Variants in ITFG1 observed in about 807,000 individuals in gnomAD.
The protein encoded by ITFG1 is T-cell immunomodulatory protein.
ITFG1 carries 34 observed loss-of-function variants against 81.8 expected under a neutral mutation model. That is an observed-to-expected ratio of 0.42 (90% CI 0.32 to 0.55). ITFG1 has a LOEUF of 0.55. Ranked by LOEUF, ITFG1 falls within the 20% of genes least tolerant of loss-of-function variation. The probability of loss-of-function intolerance (pLI) is 0.17; values close to 1 mark genes in which losing one functional copy is unlikely to be tolerated. For synonymous variants in ITFG1, 285 were observed against 270.6 expected (o/e 1.05, Z -0.52); for missense variants, 672 against 755.4 (o/e 0.89, Z 1.29).
intron 5 of ITFG1, among the ~76,000 whole-genome samples, 160 bp downstream of exon 5, chr16:47,451,236 A>T (rs1427558586): frequency 6.6e-6 from 1 of 152,226 alleles, no homozygotes. Flanking sequence ...AAGCAGGTGC[A>T]GGCCAAATCC....
At chr16:47,347,055 C>T (rs892619647) in intron 8 of ITFG1, among the ~76,000 whole-genome samples, 9 of 152,124 alleles carry the variant, frequency 5.9e-5, no homozygotes, top group South Asian at 2.1e-4. Context: ...AGATTCACCA[C>T]GATTGGGGCG....
At chr16:47,260,268 T>C (rs1966193389) in intron 11 of ITFG1, among the ~76,000 whole-genome samples, 1 of 152,146 alleles carries the variant, frequency 6.6e-6, no homozygotes, top group Non-Finnish European at 1.5e-5. Flanking sequence ...CTGTTGAACA[T>C]TCAGGTCTGC....
intron 9 of ITFG1, chr16:47,311,892 T>C (rs1442755470): frequency 6.6e-6 from 1 of 152,404 alleles, no homozygotes; most frequent in Admixed American, 6.5e-5. Context: ...CTCTTACACA[T>C]GCAGATGACT....
intron 10 of ITFG1, among the ~76,000 whole-genome samples, chr16:47,265,750 C>A (rs145550411): frequency 2.5e-3 from 381 of 152,094 alleles, no homozygotes; most frequent in Middle Eastern, 0.02. Context: ...TAGATTTTGA[C>A]AATATCAATA....
Position 47,311,405 on chromosome 16 carries a change from G to A in ITFG1, c.905C>T (p.Pro302Leu). ...LVRSGMKQWV[P>L]VLQDFSNKGT... ...CTTATTGCTGAAATCTTGTAGGACTGGAACCCACTATGGATTAAGAGAAAA... is the reference window on the plus strand; with the variant it reads ...CTTATTGCTGAAATCTTGTAGGACTAGAACCCACTATGGATTAAGAGAAAA... Residue 302 changes from proline (P) to leucine (L), a missense_variant, in exon 10 of 18, where the codon CCA becomes CTA. Physicochemically the swap from Pro to Leu is moderately conservative, Grantham distance 98 (BLOSUM62 -3). Around this residue, in one of 3 missense-constraint regions of ITFG1, gnomAD observed 560 missense variants for 625.7 expected, o/e 0.90. Coordinates refer to ENST00000320640, the MANE Select transcript of ITFG1 (RefSeq NM_030790.5). 6.2e-7 allele frequency: 1 copy of A among 1,608,936 alleles called. No homozygotes were observed. Among genetic ancestry groups the A allele is most frequent in the South Asian group, 1.1e-5 (1 of 90,082 alleles).
chr16:47,327,596 C>T (rs1461067731), intron 8 of ITFG1, among the ~76,000 whole-genome samples: 1 of 152,042 alleles, frequency 6.6e-6, no homozygotes, highest in African/African-American at 2.4e-5. Flanking sequence ...GGCTAATATC[C>T]AGAATCTACA....
chr16:47,445,247 GAAAAAAAA>G (rs907756228), intron 5 of ITFG1, among the ~76,000 whole-genome samples: 2 of 30,826 alleles, frequency 6.5e-5, no homozygotes, highest in African/African-American at 2.2e-4. Context: ...CTCCGTCTCA[GAAAAAAAA>G]AAAAAAAAAA....
At chr16:47,365,759 CTT>C (rs76973321) in intron 8 of ITFG1, 27 bp downstream of exon 8, 38,742 of 1,048,758 alleles carry the variant, frequency 0.037, no homozygotes, top group South Asian at 0.047. Context: ...AGGCAAAAGC[CTT>C]TTTTTTTTTT....
intron 10 of ITFG1, among the ~76,000 whole-genome samples, chr16:47,292,600 TG>T (rs2151555453): frequency 6.6e-6 from 1 of 152,292 alleles, no homozygotes; most frequent in African/African-American, 2.4e-5. Context: ...ATTAGTGTAA[TG>T]ATCACTTGAA....
At chr16:47,213,392 G>T (rs560931635) in intron 14 of ITFG1, among the ~76,000 whole-genome samples, 7 of 152,056 alleles carry the variant, frequency 4.6e-5, no homozygotes, top group Non-Finnish European at 1.0e-4. Flanking sequence ...CTGTTGTTGG[G>T]CAGATTATTC....
chr16:47,304,220 G>A (rs1052299143), intron 10 of ITFG1, among the ~76,000 whole-genome samples: 2 of 152,094 alleles, frequency 1.3e-5, no homozygotes, highest in African/African-American at 2.4e-5. Flanking sequence ...TAAAGTCATC[G>A]CTCATGTTGT....
At chr16:47,351,744 G>A (rs1239758929) in intron 8 of ITFG1, among the ~76,000 whole-genome samples, 4 of 151,974 alleles carry the variant, frequency 2.6e-5, no homozygotes, top group African/African-American at 4.8e-5. Context: ...AAAAGAGCCC[G>A]CATTGCCAAG....
chr16:47,414,936 C>T (rs1968855577), intron 6 of ITFG1, among the ~76,000 whole-genome samples: 1 of 152,206 alleles, frequency 6.6e-6, no homozygotes, highest in South Asian at 2.1e-4. Context: ...AAGAACTCTA[C>T]ACTTTTTAGG....
intron 5 of ITFG1, among the ~76,000 whole-genome samples, chr16:47,431,169 G>A (rs572693931): frequency 2.0e-5 from 3 of 152,340 alleles, no homozygotes; most frequent in East Asian, 3.9e-4. Context: ...GTTGTCAGGT[G>A]CTGAGAGACA....
intron 10 of ITFG1, among the ~76,000 whole-genome samples, chr16:47,293,588 G>A (rs1056053249): frequency 4.0e-5 from 6 of 151,870 alleles, no homozygotes; most frequent in East Asian, 1.9e-4. Context: ...TTAGATTTGC[G>A]TATCTCTGAG....
chr16:47,444,666 T>C (rs2151616076), intron 5 of ITFG1, among the ~76,000 whole-genome samples: 1 of 152,322 alleles, frequency 6.6e-6, no homozygotes, highest in South Asian at 2.1e-4. Context: ...GATATGATTT[T>C]ATAAAATATG....
chr16:47,163,962 C>CAT (rs1330585566), intron 14 of ITFG1, among the ~76,000 whole-genome samples: 25 of 151,966 alleles, frequency 1.6e-4, no homozygotes, highest in African/African-American at 5.6e-4. Flanking sequence ...CATACACACA[C>CAT]ACACACACCA....
chr16:47,361,629 G>A (rs2151585429), intron 8 of ITFG1, among the ~76,000 whole-genome samples: 1 of 152,148 alleles, frequency 6.6e-6, no homozygotes, highest in African/African-American at 2.4e-5. Flanking sequence ...TGAGACCAGG[G>A]CCCAGAACCT....
At chr16:47,367,746 T>G (rs1968195682) in intron 7 of ITFG1, among the ~76,000 whole-genome samples, 1 of 152,212 alleles carries the variant, frequency 6.6e-6, no homozygotes, top group African/African-American at 2.4e-5. Flanking sequence ...ATTGTCCCTG[T>G]GCAGAAACAT....
Sources: allele counts gnomAD v4.1 joint callset (sites outside exome capture counted in the v4.1 genomes callset), GRCh38; gene constraint gnomAD v4.1.1; regional missense constraint gnomAD v4.1.1; transcripts MANE v1.5; gene names NCBI Gene and HGNC (gene_info 2026-07-23, HGNC 2026-07-21).